CLASP1: variants seen among roughly 807,000 people sequenced by gnomAD.
CLASP1 encodes the protein CLIP-associating protein 1.
Under a neutral mutation model 192.3 loss-of-function variants are expected in CLASP1, and 38 were observed. The observed-to-expected ratio is 0.20, with a 90% CI of 0.15 to 0.26. The LOEUF is 0.26. Ranked by LOEUF, CLASP1 falls within the 10% of genes least tolerant of loss-of-function variation. CLASP1 has a pLI of 1.00. For missense variants in CLASP1, 1,433 were observed against 1,932.5 expected, an observed-to-expected ratio of 0.74 and a Z score of 4.85; for synonymous variants, 691 against 712.8, an observed-to-expected ratio of 0.97 and a Z score of 0.49.
At chr2:121,437,827 G>A (rs373965101) in intron 19 of CLASP1, among the ~76,000 whole-genome samples, 1 of 152,184 alleles carries the variant, frequency 6.6e-6, no homozygotes, top group Non-Finnish European at 1.5e-5. Flanking sequence ...TCAGGGTGAC[G>A]GCCAGCATTG....
At chr2:121,436,649 G>A (rs1208786668) in intron 19 of CLASP1, among the ~76,000 whole-genome samples, 2 of 151,954 alleles carry the variant, frequency 1.3e-5, no homozygotes, top group Non-Finnish European at 2.9e-5. Context: ...GGCCTTCAGT[G>A]ATCCACCCAC....
Position 121,430,859 on chromosome 2 carries a change from G to A in CLASP1, c.1913-682C>T, listed in dbSNP as rs557457423. On this transcript the variant is annotated intron_variant, in intron 19 of 39. Coordinates refer to ENST00000263710, the Ensembl canonical transcript of CLASP1. The stretch of plus-strand genomic sequence containing the variant: ...GATGGCCCAAAGATAATCCAATGCT[G>A]TAGGCAGTTATGAAAAAATTACAGC... Among the ~76,000 whole-genome samples, 12 of 151,890 alleles carry A rather than the reference G, an allele frequency of 7.9e-5. No individual in the cohort carries two copies. The East Asian group carries it at 2.3e-3, about 29-fold the overall frequency.
At chr2:121,484,671 G>C (rs2092846082) in intron 8 of CLASP1, among the ~76,000 whole-genome samples, 1 of 152,178 alleles carries the variant, frequency 6.6e-6, no homozygotes. Flanking sequence ...GAACATGGTG[G>C]GGAAGAGGTG....
chr2:121,424,201 T>C (rs1442335206), intron 22 of CLASP1, among the ~76,000 whole-genome samples: 2 of 152,230 alleles, frequency 1.3e-5, no homozygotes, highest in African/African-American at 4.8e-5. Context: ...CACCCTGTCA[T>C]AGTATTCGTC....
At chr2:121,500,418 AAAAG>A (rs1409060524) in intron 8 of CLASP1, among the ~76,000 whole-genome samples, 3 of 150,692 alleles carry the variant, frequency 2.0e-5, no homozygotes, top group Non-Finnish European at 3.0e-5. Flanking sequence ...AGAAAGAAAA[AAAAG>A]AAAAGAGAAA....
intron 30 of CLASP1, among the ~76,000 whole-genome samples, chr2:121,388,723 G>C (rs1028996101): frequency 6.6e-6 from 1 of 151,884 alleles, no homozygotes; most frequent in South Asian, 2.1e-4. Flanking sequence ...TAAAAGCTAA[G>C]CCAAAAAAAA....
intron 2 of CLASP1, among the ~76,000 whole-genome samples, chr2:121,596,250 G>A (rs1283526198): frequency 6.6e-6 from 1 of 152,148 alleles, no homozygotes; most frequent in Non-Finnish European, 1.5e-5. Context: ...ACTTATGACA[G>A]AGGCACCTGT....
At position 121,407,069 on chromosome 2, in the gene CLASP1, A is replaced by T. The variant is rs138203356; in HGVS notation, c.2669+402T>A. Among the ~76,000 whole-genome samples, 322 of 152,248 alleles carry T rather than the reference A, an allele frequency of 2.1e-3. 1 individual carries two copies. The highest frequency in any genetic ancestry group is 7.4e-3 in the African/African-American group (306 of 41,554). ...TGTCTCTACTACAAATACAAAAATT[A>T]GCCAGGCGTGGTGGTGTACCCCCGT... On this transcript the variant is annotated intron_variant, in intron 25 of 39. Coordinates refer to ENST00000263710, the Ensembl canonical transcript of CLASP1.
chr2:121,505,343 C>T (rs1304218817), intron 7 of CLASP1: 1 of 152,206 alleles, frequency 6.6e-6, no homozygotes, highest in Non-Finnish European at 1.5e-5. Context: ...CAAGCCTGAA[C>T]AACTAGGTAT....
chr2:121,348,438 A>C, intron 38 of CLASP1, 74 bp downstream of exon 39: 1 of 1,352,642 alleles, frequency 7.4e-7, no homozygotes, highest in Non-Finnish European at 1.0e-6. Flanking sequence ...GGAGGAGCAC[A>C]AAGCCCTTAC....
intron 2 of CLASP1, among the ~76,000 whole-genome samples, chr2:121,570,016 CA>C (rs1234008702): frequency 6.6e-6 from 1 of 152,120 alleles, no homozygotes; most frequent in African/African-American, 2.4e-5. Context: ...CTATGTGCCT[CA>C]GTTTCTGCAT....
intron 6 of CLASP1, among the ~76,000 whole-genome samples, chr2:121,520,211 TC>T (rs2094427487): frequency 6.6e-6 from 1 of 152,120 alleles, no homozygotes; most frequent in Non-Finnish European, 1.5e-5. Flanking sequence ...CAAGTCAACA[TC>T]CTTCTCACCA....
At chr2:121,568,335 T>G (rs566918770) in intron 2 of CLASP1, among the ~76,000 whole-genome samples, 1 of 151,824 alleles carries the variant, frequency 6.6e-6, no homozygotes, top group African/African-American at 2.4e-5. Flanking sequence ...CAGAGAGGGG[T>G]GGTCAGTGGC....
At chr2:121,357,081 A>T (rs547154929) in intron 37 of CLASP1, among the ~76,000 whole-genome samples, 61 of 152,324 alleles carry the variant, frequency 4.0e-4, no homozygotes, top group African/African-American at 1.4e-3. Flanking sequence ...GGCATTTCCT[A>T]GCCTAACGCT....
At chr2:121,369,134 T>C (rs112762854) in intron 34 of CLASP1, among the ~76,000 whole-genome samples, 2 of 152,216 alleles carry the variant, frequency 1.3e-5, no homozygotes, top group Non-Finnish European at 2.9e-5. Context: ...GGCACTTGGA[T>C]TGCTTTTGCC....
chr2:121,338,457 CAG>C (rs1027993675), exon 40 of CLASP1: 3 of 152,248 alleles, frequency 2.0e-5, no homozygotes, highest in African/African-American at 7.2e-5. Context: ...GACAGGGAGG[CAG>C]AGACAGGCTT....
chr2:121,581,864 G>A (rs1466835811), intron 2 of CLASP1, among the ~76,000 whole-genome samples: 3 of 152,138 alleles, frequency 2.0e-5, no homozygotes, highest in Non-Finnish European at 4.4e-5. Context: ...CCAACTGGAC[G>A]ACAAAGCGAG....
chr2:121,354,803 A>T (rs953646357), intron 37 of CLASP1, among the ~76,000 whole-genome samples: 7 of 152,208 alleles, frequency 4.6e-5, no homozygotes, highest in Non-Finnish European at 8.8e-5. Context: ...GGTGGAAAGA[A>T]CACGGCTCTG....
chr2:121,430,742 G>GT (rs1559159523), intron 19 of CLASP1, among the ~76,000 whole-genome samples: 4 of 152,132 alleles, frequency 2.6e-5, no homozygotes, highest in African/African-American at 7.2e-5. Flanking sequence ...TTTAAAGCAT[G>GT]TAAGTCAGTA....
Sources: allele counts gnomAD v4.1 joint callset (sites outside exome capture counted in the v4.1 genomes callset), GRCh38; gene constraint gnomAD v4.1.1; transcripts MANE v1.5; gene names NCBI Gene and HGNC (gene_info 2026-07-23, HGNC 2026-07-21).